VGLL4: variants seen among roughly 807,000 people sequenced by gnomAD.
VGLL4 encodes vestigial like family member 4.
A neutral mutation model predicts 21.0 loss-of-function variants in VGLL4; 7 were observed. The ratio of observed to expected loss-of-function variants is 0.33; its 90% CI spans 0.19 to 0.63. The LOEUF (loss-of-function observed/expected upper bound fraction) is 0.63. Among genes scored for constraint, VGLL4 ranks in the 20% least tolerant of loss-of-function variants. The probability of loss-of-function intolerance (pLI) is 0.78; values close to 1 mark genes in which losing one functional copy is unlikely to be tolerated. For synonymous variants in VGLL4, 222 were observed against 173.2 expected, an observed-to-expected ratio of 1.28 and a Z score of -2.21; for missense variants, 394 against 425.7, an observed-to-expected ratio of 0.93 and a Z score of 0.66.
At chr3:11,707,612 G>A (rs989414058) in intron 1 of VGLL4, among the ~76,000 whole-genome samples, 1 of 152,080 alleles carries the variant, frequency 6.6e-6, no homozygotes, top group African/African-American at 2.4e-5. Flanking sequence ...TGCTCTGAGA[G>A]GCCAAGGCAG....
intron 1 of VGLL4, among the ~76,000 whole-genome samples, chr3:11,623,750 T>C (rs12636753): frequency 4.0e-4 from 28 of 70,638 alleles, no homozygotes; most frequent in South Asian, 2.1e-3. Flanking sequence ...GAAAATTTTC[T>C]TTTTTTTTTT....
At chr3:11,636,013 A>G (rs1293148939) in intron 1 of VGLL4, among the ~76,000 whole-genome samples, 2 of 152,262 alleles carry the variant, frequency 1.3e-5, no homozygotes, top group East Asian at 3.8e-4. Flanking sequence ...GAAAAACAAT[A>G]GTTTAAAAGG....
At chr3:11,575,009 G>GATCTTTGC (rs1406543089) in intron 2 of VGLL4, among the ~76,000 whole-genome samples, 1 of 152,112 alleles carries the variant, frequency 6.6e-6, no homozygotes, top group African/African-American at 2.4e-5. Context: ...TAAAGCCGCA[G>GATCTTTGC]ATCTTTTCAT....
intron 2 of VGLL4, among the ~76,000 whole-genome samples, chr3:11,654,963 T>C (rs2075934298): frequency 6.6e-6 from 1 of 152,188 alleles, no homozygotes; most frequent in Non-Finnish European, 1.5e-5. Flanking sequence ...ATGCAAACAA[T>C]TCAATTTTTC....
chr3:11,710,481 G>A (rs866469986), intron 1 of VGLL4: 1 of 152,188 alleles, frequency 6.6e-6, no homozygotes, highest in Non-Finnish European at 1.5e-5. Flanking sequence ...TCTAGATGTG[G>A]AGGCCAGGGG....
intron 1 of VGLL4, among the ~76,000 whole-genome samples, chr3:11,635,213 G>A (rs918814146): frequency 1.3e-5 from 2 of 152,194 alleles, no homozygotes; most frequent in Non-Finnish European, 2.9e-5. Flanking sequence ...TTCCAATAAC[G>A]TGGATGGCAA....
At chr3:11,626,096 A>T (rs2075347544) in intron 1 of VGLL4, among the ~76,000 whole-genome samples, 1 of 152,230 alleles carries the variant, frequency 6.6e-6, no homozygotes, top group African/African-American at 2.4e-5. Context: ...AGAAACTATC[A>T]TCTTTTAAAA....
intron 1 of VGLL4, among the ~76,000 whole-genome samples, chr3:11,635,699 A>C (rs1401457421): frequency 6.6e-6 from 1 of 152,210 alleles, no homozygotes; most frequent in Non-Finnish European, 1.5e-5. Flanking sequence ...AATAGAAAAA[A>C]GCCTCCCAGC....
rs192937857 is a variant in VGLL4, at chr3:11,564,272, T to C, written c.495+525A>G. Among the ~76,000 whole-genome samples, 701 of 152,298 alleles carry C rather than the reference T, an allele frequency of 4.6e-3. 5 individuals are homozygous for C. Among genetic ancestry groups the C allele is most frequent in the African/African-American group, 0.016 (663 of 41,554 alleles). The stretch of plus-strand genomic sequence containing the variant: ...TTCCTTTCATAGAAAAAAATCCCTA[T>C]GTACCAATCATAGGCTTCTGACCAG... On this transcript the variant is annotated intron_variant, in intron 3 of 4. Transcript: ENST00000430365.
upstream of VGLL4, among the ~76,000 whole-genome samples, chr3:11,645,061 C>G (rs1234933255): frequency 6.6e-6 from 1 of 151,858 alleles, no homozygotes; most frequent in African/African-American, 2.4e-5. Flanking sequence ...ATTGGAAGAA[C>G]TTGGGGCTTA....
intron 3 of VGLL4, among the ~76,000 whole-genome samples, chr3:11,561,529 C>G (rs2073001286): frequency 6.6e-6 from 1 of 152,210 alleles, no homozygotes; most frequent in African/African-American, 2.4e-5. Flanking sequence ...GTGGGACTGG[C>G]TCCACCACCC....
chr3:11,618,324 T>C (rs2075203919), intron 1 of VGLL4, among the ~76,000 whole-genome samples: 1 of 152,168 alleles, frequency 6.6e-6, no homozygotes, highest in East Asian at 1.9e-4. Flanking sequence ...AAGATGTCTG[T>C]ATTATCCAAT....
intron 2 of VGLL4, among the ~76,000 whole-genome samples, chr3:11,687,289 A>G (rs1386638216): frequency 6.6e-6 from 1 of 152,166 alleles, no homozygotes; most frequent in East Asian, 1.9e-4. Flanking sequence ...TGTAACTGAC[A>G]TCTTTGACTG....
At chr3:11,587,321 A>G (rs1383601923) in intron 2 of VGLL4, among the ~76,000 whole-genome samples, 1 of 152,206 alleles carries the variant, frequency 6.6e-6, no homozygotes, top group African/African-American at 2.4e-5. Context: ...CCTTTCAGCA[A>G]TGCCTCCCCT....
rs1435411336 is a variant in VGLL4, at chr3:11,604,468, C to T, written c.83-2446G>A. 15 of 957,234 alleles carry T rather than the reference C, an allele frequency of 1.6e-5. 3 individuals are homozygous for T. The highest frequency in any genetic ancestry group is 1.9e-5 in the Non-Finnish European group (15 of 810,408). 59.3% of individuals were successfully genotyped at this position (957,234 alleles called of 1,614,324 possible). On this transcript the variant is annotated intron_variant, in intron 1 of 4. Transcript: ENST00000430365. ...CCGCACATAAGGTCAGGGACAGGTCCGTTCAGTTATGTGCCTTTATGCATC... is the reference window on the plus strand; with the variant it reads ...CCGCACATAAGGTCAGGGACAGGTCTGTTCAGTTATGTGCCTTTATGCATC...
intron 2 of VGLL4, among the ~76,000 whole-genome samples, chr3:11,661,478 T>C (rs1277454566): frequency 6.6e-6 from 1 of 151,976 alleles, no homozygotes; most frequent in African/African-American, 2.4e-5. Flanking sequence ...TTTATTTATT[T>C]ATTTATTTTT....
intron 2 of VGLL4, among the ~76,000 whole-genome samples, chr3:11,600,997 C>A (rs2074780523): frequency 6.6e-6 from 1 of 152,288 alleles, no homozygotes; most frequent in African/African-American, 2.4e-5. Context: ...ACTCTCTGGG[C>A]AGCTGGTGGG....
intron 1 of VGLL4, among the ~76,000 whole-genome samples, chr3:11,718,652 CCTT>C (rs1351031635): frequency 6.6e-6 from 1 of 152,114 alleles, no homozygotes; most frequent in Non-Finnish European, 1.5e-5. Flanking sequence ...CTGCCAGACT[CCTT>C]CTGAGTAGAG....
At chr3:11,644,976 A>C (rs2075766335), upstream of VGLL4, among the ~76,000 whole-genome samples, 1 of 151,976 alleles carries the variant, frequency 6.6e-6, no homozygotes, top group African/African-American at 2.4e-5. Context: ...GGAAAGGGTA[A>C]AATTATTTTC....
Sources: allele counts gnomAD v4.1 joint callset (sites outside exome capture counted in the v4.1 genomes callset), GRCh38; gene constraint gnomAD v4.1.1; transcripts MANE v1.5; gene names NCBI Gene and HGNC (gene_info 2026-07-23, HGNC 2026-07-21).